TRAM2: variants seen among roughly 807,000 people sequenced by gnomAD.
The protein encoded by TRAM2 is translocating chain-associated membrane protein 2.
Under a neutral mutation model 51.0 loss-of-function variants are expected in TRAM2, and 12 were observed. That is an observed-to-expected ratio of 0.24 (90% CI 0.15 to 0.38). The LOEUF (loss-of-function observed/expected upper bound fraction) is 0.38, where lower values mean the gene tolerates loss of function less well. Ranked by LOEUF, TRAM2 falls within the 10% of genes least tolerant of loss-of-function variation. TRAM2 has a pLI of 1.00. For synonymous variants in TRAM2, 175 were observed against 179.4 expected (o/e 0.98, Z 0.20); for missense variants, 361 against 462.0 (o/e 0.78, Z 2.00).
chr6:52,537,310 T>C (rs919172682), intron 1 of TRAM2, among the ~76,000 whole-genome samples: 2 of 152,224 alleles, frequency 1.3e-5, no homozygotes, highest in African/African-American at 4.8e-5. Flanking sequence ...TAAAACCTTA[T>C]TACCTTTGGT....
At chr6:52,563,073 A>G (rs1181236380) in intron 1 of TRAM2, among the ~76,000 whole-genome samples, 3 of 152,250 alleles carry the variant, frequency 2.0e-5, no homozygotes. Context: ...ACAAAATGAC[A>G]TATGTGCCAA....
At chr6:52,517,973 C>G (rs920684102) in intron 2 of TRAM2, among the ~76,000 whole-genome samples, 5 of 152,292 alleles carry the variant, frequency 3.3e-5, no homozygotes, top group Non-Finnish European at 5.9e-5. Context: ...TTTTTCCTCT[C>G]CCTCTTCCTT....
At chr6:52,540,620 AC>A (rs1767060510) in intron 1 of TRAM2, among the ~76,000 whole-genome samples, 1 of 152,054 alleles carries the variant, frequency 6.6e-6, no homozygotes, top group African/African-American at 2.4e-5. Flanking sequence ...TCACTCCATG[AC>A]CCTCTCCCGA....
rs547555190 is a variant in TRAM2, at chr6:52,500,191, T to C, written c.*3006A>G. 1 of 152,382 alleles carries C rather than the reference T, an allele frequency of 6.6e-6. No homozygotes were observed. The highest frequency in any genetic ancestry group is 2.1e-4 in the South Asian group (1 of 4,832). The allele number at this position is 152,382 out of a possible 1,614,324, so 9.4% of individuals were successfully genotyped here. On this transcript the variant is annotated 3_prime_UTR_variant, in exon 11 of 11. Coordinates refer to ENST00000182527, the MANE Select transcript of TRAM2 (RefSeq NM_012288.4). The stretch of plus-strand genomic sequence containing the variant: ...GGTGCATGGTGCTGAGCTCTCAAGC[T>C]TGGAGGTGTCTGGCAGAGCCTTCAC...
chr6:52,546,659 G>A (rs1767206641), intron 1 of TRAM2, among the ~76,000 whole-genome samples: 2 of 147,120 alleles, frequency 1.4e-5, no homozygotes, highest in South Asian at 4.2e-4. Context: ...AAATGTGCTA[G>A]GGGTGATGAC....
At chr6:52,534,502 G>T (rs149231201) in intron 2 of TRAM2, among the ~76,000 whole-genome samples, 20 of 152,294 alleles carry the variant, frequency 1.3e-4, no homozygotes, top group African/African-American at 4.8e-4. Flanking sequence ...AGAAAGGAGC[G>T]ATACTCTGGT....
In TRAM2 at chr6:52,528,937, C is replaced by T. The variant is rs1285440507; in HGVS notation, c.184+6846G>A. On this transcript the variant is annotated intron_variant, in intron 2 of 10. Transcript: ENST00000182527. The stretch of plus-strand genomic sequence containing the variant: ...ACCGAGTCTCGCTCTGTCACCCAGG[C>T]TGGAGTGCAGTGGCGTGGTCTCAGC... Among the ~76,000 whole-genome samples the T allele has an allele frequency of 2.0e-5, 3 of 146,776 alleles. No individual in the cohort carries two copies. In the East Asian group the frequency reaches 5.9e-4, roughly 29 times the overall value.
intron 1 of TRAM2, among the ~76,000 whole-genome samples, chr6:52,558,984 C>T (rs1034147885): frequency 2.0e-5 from 3 of 152,216 alleles, no homozygotes; most frequent in South Asian, 2.1e-4. Context: ...AAATGGAAAG[C>T]TGTTCAAGAA....
intron 5 of TRAM2, 133 bp from the exon 6 acceptor site, chr6:52,508,451 G>T: frequency 1.2e-6 from 1 of 832,074 alleles, no homozygotes; most frequent in African/African-American, 1.7e-5. Context: ...AAGGGAGTTA[G>T]GCCAGTGACC....
chr6:52,509,607 G>C (rs753179319), intron 4 of TRAM2, 21 bp from the exon 5 acceptor site: 4 of 1,613,530 alleles, frequency 2.5e-6, no homozygotes, highest in Non-Finnish European at 3.4e-6. Context: ...CAAGAAGAGA[G>C]ACCATTTAGA....
chr6:52,540,602 C>A (rs1056852854), intron 1 of TRAM2, among the ~76,000 whole-genome samples: 1 of 152,106 alleles, frequency 6.6e-6, no homozygotes, highest in African/African-American at 2.4e-5. Flanking sequence ...CTTTAGCACC[C>A]CAAGTCTTCA....
At chr6:52,525,109 G>A (rs1212522798) in intron 2 of TRAM2, 1 of 152,276 alleles carries the variant, frequency 6.6e-6, no homozygotes, top group African/African-American at 2.4e-5. Context: ...GCATAGAGGT[G>A]AGCAGTCGCT....
At chr6:52,552,638 C>T (rs1767329904) in intron 1 of TRAM2, among the ~76,000 whole-genome samples, 1 of 152,216 alleles carries the variant, frequency 6.6e-6, no homozygotes, top group African/African-American at 2.4e-5. Context: ...GGCTTCACTT[C>T]CAGGCTCCCA....
At position 52,577,024 on chromosome 6, in the gene TRAM2, C is replaced by G; in HGVS notation, c.-109G>C. 2 of 1,244,186 alleles carry G rather than the reference C, an allele frequency of 1.6e-6. No individual in the cohort carries two copies. Among genetic ancestry groups the G allele is most frequent in the South Asian group, 2.3e-5 (1 of 43,314 alleles). The allele number at this position is 1,244,186 out of a possible 1,614,324, so 77.1% of individuals were successfully genotyped here. ...CGCCCGCCGGCCCGCCGCCCGCTCT[C>G]CCACAGCCGCTCGCCCGCCCAGCGC... is the stretch of plus-strand genomic sequence containing the variant. On this transcript the variant is annotated 5_prime_UTR_variant, in exon 1 of 11. Coordinates refer to ENST00000182527, the MANE Select transcript of TRAM2 (RefSeq NM_012288.4).
Position 52,533,440 on chromosome 6 carries a change from C to T in TRAM2, c.184+2343G>A, listed in dbSNP as rs143703024. Among the ~76,000 whole-genome samples the T allele has an allele frequency of 4.1e-3, 623 of 152,272 alleles. 11 individuals carry two copies. The South Asian group carries it at 0.061, about 15-fold the overall frequency. On this transcript the variant is annotated intron_variant, in intron 2 of 10. Transcript: ENST00000182527. ...GCACTAGAGTGTGCCCTGGGATGAG[C>T]GGGCATCTGTCTGCTTCCTGACCAC...
intron 2 of TRAM2, among the ~76,000 whole-genome samples, chr6:52,525,922 CACAA>C (rs1232910782): frequency 6.6e-6 from 1 of 152,054 alleles, no homozygotes; most frequent in Non-Finnish European, 1.5e-5. Flanking sequence ...CAGAGACAGA[CACAA>C]ACAGAGGGAG....
chr6:52,542,279 A>ATTTTTT (rs1255672331), intron 1 of TRAM2, among the ~76,000 whole-genome samples: 11 of 128,554 alleles, frequency 8.6e-5, no homozygotes, highest in East Asian at 7.7e-4. Flanking sequence ...TTTTTTTTAA[A>ATTTTTT]AAAAATAGTC....
At chr6:52,572,086 T>C (rs1459256188) in intron 1 of TRAM2, among the ~76,000 whole-genome samples, 1 of 152,110 alleles carries the variant, frequency 6.6e-6, no homozygotes, top group Non-Finnish European at 1.5e-5. Flanking sequence ...CAGTAGAAAA[T>C]CTAGCTCCAA....
intron 2 of TRAM2, chr6:52,523,015 T>C (rs1329503203): frequency 1.5e-6 from 1 of 667,868 alleles, no homozygotes; most frequent in Non-Finnish European, 2.7e-6. Context: ...CATCTGCTTC[T>C]GAGAACTCAT....
Sources: gnomAD v4.1 joint callset for allele counts (sites outside exome capture counted in the v4.1 genomes callset) on GRCh38, gnomAD v4.1.1 for gene constraint, MANE v1.5 for transcripts, NCBI Gene and HGNC (gene_info 2026-07-23, HGNC 2026-07-21) for gene names.